Variants in PNPLA1 observed in about 807,000 individuals in gnomAD.
The protein encoded by PNPLA1 is omega-hydroxyceramide transacylase.
In PNPLA1, 36 loss-of-function variants were observed where a neutral mutation model predicts 51.7. The ratio of observed to expected loss-of-function variants is 0.70; its 90% CI spans 0.53 to 0.92. The LOEUF is 0.92. Among genes scored for constraint, PNPLA1 ranks in the 40% least tolerant of loss-of-function variants. The pLI is 0.00. For missense variants in PNPLA1, 658 were observed against 682.5 expected (o/e 0.96, Z 0.40); for synonymous variants, 293 against 280.1 (o/e 1.05, Z -0.46).
Position 36,270,448 on chromosome 6 carries a change from G to C in PNPLA1, c.-12G>C. Reference sequence around the variant, plus strand: ...TGGCTCCGCCTTCCGCAGAAAGTCAGAGGCCGAGGAGATGGAAGAACAGGT... The same window carrying C: ...TGGCTCCGCCTTCCGCAGAAAGTCACAGGCCGAGGAGATGGAAGAACAGGT... On this transcript the variant is annotated 5_prime_UTR_variant, in exon 1 of 9. Transcript: ENST00000636260. 1 of 1,550,980 alleles carries C rather than the reference G, an allele frequency of 6.4e-7. No homozygotes were observed. The highest frequency in any genetic ancestry group is 1.4e-5 in the African/African-American group (1 of 73,190).
chr6:36,310,595 C>T (rs1771386238), intron 8 of PNPLA1, among the ~76,000 whole-genome samples: 1 of 152,180 alleles, frequency 6.6e-6, no homozygotes, highest in Non-Finnish European at 1.5e-5. Flanking sequence ...TTACATAGTA[C>T]TTACGTGCCC....
At position 36,302,226 on chromosome 6, in the gene PNPLA1, C is replaced by T; in HGVS notation, c.1141C>T (p.Pro381Ser). The T allele has an allele frequency of 6.2e-7, 1 of 1,614,204 alleles. No individual in the cohort carries two copies. Among genetic ancestry groups the T allele is most frequent in the Non-Finnish European group, 8.5e-7 (1 of 1,180,040 alleles). The change falls in exon 6 of 9, where the codon CCC (proline) becomes TCC (serine). Residue 381 changes from proline (P) to serine (S), a missense_variant. Pro to Ser is a moderately conservative substitution (Grantham distance 74). Coordinates refer to ENST00000636260, the MANE Select transcript of PNPLA1 (RefSeq NM_001374623.1). ...PVSFPAVHKPPSSTPGSSLPT... is the reference protein window; with the variant it reads ...PVSFPAVHKPSSSTPGSSLPT... ...ATCATTCCCAGCTGTGCACAAGCCACCCAGCTCCACACCTGGTTCATCACT... is the reference window on the plus strand; with the variant it reads ...ATCATTCCCAGCTGTGCACAAGCCATCCAGCTCCACACCTGGTTCATCACT...
rs199756414 is a variant in PNPLA1 at position 36,301,973 on chromosome 6, C to T, written c.888C>T (p.Ser296=). Residue 296 remains serine (S), a synonymous_variant, in exon 6 of 9, where the codon AGC becomes AGT. Coordinates refer to ENST00000636260, the MANE Select transcript of PNPLA1 (RefSeq NM_001374623.1). ...AGTGCCCTGAACGCAGTCAACCAAG[C>T]CTTCGAGCACGGCAGGCCAGTCTGG... ...GNECPERSQP[S]LRARQASLEG... 1 of 1,614,084 alleles carries T rather than the reference C, an allele frequency of 6.2e-7. No individual in the cohort carries two copies. Among genetic ancestry groups the T allele is most frequent in the South Asian group, 1.1e-5 (1 of 91,092 alleles).
At position 36,261,839 on chromosome 6, in the gene PNPLA1, A is replaced by G. The variant is rs1284709193; in HGVS notation, c.-81+18578A>G. Among the ~76,000 whole-genome samples, 4 of 152,272 alleles carry G rather than the reference A, an allele frequency of 2.6e-5. No homozygotes were observed. In the East Asian group the frequency reaches 7.7e-4, roughly 29 times the overall value. On this transcript the variant is annotated intron_variant, in intron 1 of 7. Transcript: ENST00000312917. ...ACAGCTGGACTCCCTAAGTGGCCAT[A>G]CTGTACCGCCCTAAGAAAGGCGGCT...
intron 1 of PNPLA1, among the ~76,000 whole-genome samples, chr6:36,281,931 GA>G (rs1168659219): frequency 6.6e-6 from 1 of 151,602 alleles, no homozygotes; most frequent in African/African-American, 2.4e-5. Flanking sequence ...TGAAGCAGGA[GA>G]ATCACTTGAA....
chr6:36,286,003 G>A (rs11756211), intron 1 of PNPLA1, among the ~76,000 whole-genome samples: 8,298 of 152,226 alleles, frequency 0.055, 260 homozygotes, highest in Middle Eastern at 0.14. Context: ...GGATGTGGGG[G>A]CAGGGATCAC....
intron 1 of PNPLA1, among the ~76,000 whole-genome samples, chr6:36,278,446 C>A (rs1770177343): frequency 6.6e-6 from 1 of 152,152 alleles, no homozygotes; most frequent in South Asian, 2.1e-4. Context: ...AAGTCCAGCT[C>A]CCTCATTTTG....
intron 1 of PNPLA1, among the ~76,000 whole-genome samples, chr6:36,284,067 C>A (rs533246663): frequency 1.3e-5 from 2 of 152,310 alleles, no homozygotes; most frequent in South Asian, 2.1e-4. Flanking sequence ...CAGTAAGAAC[C>A]TGCAGTGGGA....
chr6:36,267,409 G>T (rs946655703), upstream of PNPLA1, among the ~76,000 whole-genome samples: 20 of 152,222 alleles, frequency 1.3e-4, no homozygotes, highest in African/African-American at 4.8e-4. Context: ...CCACGGCCTT[G>T]CTGGGTATAG....
At chr6:36,307,448 G>C in intron 7 of PNPLA1, 139 bp from the exon 8 acceptor site, 1 of 917,158 alleles carries the variant, frequency 1.1e-6, no homozygotes, top group South Asian at 2.6e-5. Context: ...TTTAAAAAAA[G>C]TTTGCTGGGA....
chr6:36,269,200 G>A (rs1409437750), upstream of PNPLA1, among the ~76,000 whole-genome samples: 2 of 152,212 alleles, frequency 1.3e-5, no homozygotes, highest in African/African-American at 4.8e-5. Context: ...GGCACTTGGT[G>A]GAGGCCTTGG....
chr6:36,298,787 A>G (rs1199150318), intron 5 of PNPLA1, among the ~76,000 whole-genome samples: 1 of 152,136 alleles, frequency 6.6e-6, no homozygotes, highest in East Asian at 1.9e-4. Context: ...TGTCCAGGCT[A>G]GAGTGTGGTG....
Position 36,313,918 on chromosome 6 carries a change from T to C in PNPLA1, c.*2032T>C, listed in dbSNP as rs1310741139. Among the ~76,000 whole-genome samples, 1 of 152,256 alleles carries C rather than the reference T, an allele frequency of 6.6e-6. No homozygotes were observed. Among genetic ancestry groups the C allele is most frequent in the Non-Finnish European group, 1.5e-5 (1 of 68,044 alleles). ...CCAGATGCTCTTAATGTCAATTATG[T>C]TAAACTATTAATACATCCTCTTGCA... On this transcript the variant is annotated 3_prime_UTR_variant, in exon 9 of 9. Coordinates refer to ENST00000636260, the MANE Select transcript of PNPLA1 (RefSeq NM_001374623.1).
intron 8 of PNPLA1, among the ~76,000 whole-genome samples, chr6:36,310,977 T>A (rs1771395219): frequency 6.6e-6 from 1 of 152,184 alleles, no homozygotes; most frequent in Non-Finnish European, 1.5e-5. Flanking sequence ...TGTGGGACAT[T>A]TGGGAGGGTC....
intron 1 of PNPLA1, among the ~76,000 whole-genome samples, chr6:36,279,559 T>G (rs191208807): frequency 1.4e-3 from 219 of 152,296 alleles, no homozygotes; most frequent in African/African-American, 4.8e-3. Context: ...TAGCCAGGAT[T>G]AGTGGAGAAT....
chr6:36,262,968 A>G (rs1428683421), intron 1 of PNPLA1, among the ~76,000 whole-genome samples: 1 of 152,234 alleles, frequency 6.6e-6, no homozygotes, highest in Non-Finnish European at 1.5e-5. Flanking sequence ...TCTGTAGGAT[A>G]AATTCCTGCA....
Position 36,291,572 on chromosome 6 carries a change from A to AG in PNPLA1, c.438+23dup. The AG allele has an allele frequency of 1.3e-5, 1 of 76,684 alleles. No individual in the cohort carries two copies. The highest frequency in any genetic ancestry group is 8.9e-5 in the South Asian group (1 of 11,184). The allele number at this position is 76,684 out of a possible 1,614,324, so 4.8% of individuals were successfully genotyped here. ...ATTGAGGCAAGGGGGCTGGGCTGGG[A>AG]GGGAGGGACACGGAGGGGGCGGGGG... On this transcript the variant is annotated intron_variant, in intron 2 of 8. Transcript: ENST00000636260.
intron 1 of PNPLA1, among the ~76,000 whole-genome samples, chr6:36,288,074 A>G (rs1295250932): frequency 6.6e-6 from 1 of 152,212 alleles, no homozygotes; most frequent in Non-Finnish European, 1.5e-5. Flanking sequence ...GATGAATAAT[A>G]TACTAAAGCC....
In PNPLA1 at chr6:36,294,710, C is replaced by A. The variant is rs1438417470; in HGVS notation, c.714+311C>A. 6.6e-6 allele frequency among the ~76,000 whole-genome samples: 1 copy of A among 152,182 alleles called. No individual in the cohort carries two copies. Reference sequence around the variant, plus strand: ...TCCCAAATCAAAGGTCGGCAAGCTGCAGCCCACGGGCCAAATCTAGCCTAT... The same window carrying A: ...TCCCAAATCAAAGGTCGGCAAGCTGAAGCCCACGGGCCAAATCTAGCCTAT... On this transcript the variant is annotated intron_variant, in intron 4 of 8. Coordinates refer to ENST00000636260, the MANE Select transcript of PNPLA1 (RefSeq NM_001374623.1). This position sits in a 1 kb window ranked among gnomAD's most constrained non-coding sequence, Gnocchi z 4.2.
Sources: gnomAD v4.1 joint callset for allele counts (sites outside exome capture counted in the v4.1 genomes callset) on GRCh38, gnomAD v4.1.1 for gene constraint, Gnocchi (gnomAD v3.1) non-coding constraint, MANE v1.5 for transcripts, NCBI Gene and HGNC (gene_info 2026-07-23, HGNC 2026-07-21) for gene names.